The following NFASC variants were observed in gnomAD, a reference collection of about 807,000 sequenced individuals.
NFASC encodes neurofascin, also known as neurofascin homolog.
In NFASC, 43 loss-of-function variants were observed where a neutral mutation model predicts 147.5. The observed-to-expected ratio is 0.29, with a 90% confidence interval of 0.23 to 0.38. NFASC has a LOEUF of 0.38. Among genes scored for constraint, NFASC ranks in the 10% least tolerant of loss-of-function variants. The pLI is 1.00. For missense variants in NFASC, 1,320 were observed against 1,689.0 expected (o/e 0.78, Z 3.83); for synonymous variants, 622 against 665.5 (o/e 0.93, Z 1.01).
Position 204,834,844 on chromosome 1 carries a change from G to A in NFASC, c.-200+6062G>A, listed in dbSNP as rs577062405. Reference sequence around the variant, plus strand: ...GCACCCAGAGTTGGAGGAAGGCTGCGTGAATAGTGGTCCTCCAAGTGGGTT... The same window carrying A: ...GCACCCAGAGTTGGAGGAAGGCTGCATGAATAGTGGTCCTCCAAGTGGGTT... On this transcript the variant is annotated intron_variant, in intron 1 of 29. Transcript: ENST00000339876. Among the ~76,000 whole-genome samples, 5 of 152,226 alleles carry A rather than the reference G, an allele frequency of 3.3e-5. No individual in the cohort carries two copies. In the East Asian group the frequency reaches 9.6e-4, roughly 29 times the overall value.
chr1:204,886,381 A>G (rs1017968905), intron 1 of NFASC, among the ~76,000 whole-genome samples: 2 of 152,178 alleles, frequency 1.3e-5, no homozygotes, highest in African/African-American at 2.4e-5. Context: ...CTTTATTCCT[A>G]TTCATTTGCT....
At chr1:204,913,602 C>A (rs945255115) in intron 1 of NFASC, among the ~76,000 whole-genome samples, 2 of 152,120 alleles carry the variant, frequency 1.3e-5, no homozygotes, top group African/African-American at 2.4e-5. Flanking sequence ...AGGATCCTCA[C>A]CATCTTATAT....
In NFASC at chr1:205,016,488, C is replaced by CGA; in HGVS notation, c.3673_3674dup (p.Ser1226LysfsTer66). Reference sequence around the variant, plus strand: ...AGGACAAGGAGGAAACAGAGGGCAACGAAAGCTCAGAGGCCACGTCACCTG... The same window carrying CGA: ...AGGACAAGGAGGAAACAGAGGGCAACGAGAAAGCTCAGAGGCCACGTCACCTG... On this transcript the variant is annotated frameshift_variant, in exon 30 of 30. Coordinates refer to ENST00000339876, the MANE Select transcript of NFASC (RefSeq NM_001005388.3). LOFTEE classifies it high-confidence loss of function. The surrounding 1 kb of genome is among the most constrained non-coding windows in gnomAD (Gnocchi z 5.1). 1 of 1,614,108 alleles carries CGA rather than the reference C, an allele frequency of 6.2e-7. No individual in the cohort carries two copies. The highest frequency in any genetic ancestry group is 1.3e-5 in the African/African-American group (1 of 75,014).
chr1:204,879,960 G>A (rs916620523), intron 1 of NFASC, among the ~76,000 whole-genome samples: 4 of 152,162 alleles, frequency 2.6e-5, no homozygotes, highest in Non-Finnish European at 4.4e-5. Context: ...CACAGCTGGT[G>A]GTGCTGGCCC....
At chr1:204,871,304 G>A (rs1463463180) in intron 1 of NFASC, among the ~76,000 whole-genome samples, 1 of 151,748 alleles carries the variant, frequency 6.6e-6, no homozygotes, top group African/African-American at 2.4e-5. Context: ...GAAAGAGGTG[G>A]TGGTACTGGT....
At chr1:204,909,157 G>A (rs1244447087) in intron 1 of NFASC, among the ~76,000 whole-genome samples, 1 of 152,160 alleles carries the variant, frequency 6.6e-6, no homozygotes, top group Non-Finnish European at 1.5e-5. Context: ...TTAAGAAACT[G>A]CCAAACCATA....
intron 1 of NFASC, among the ~76,000 whole-genome samples, chr1:204,904,645 C>T (rs2149243901): frequency 6.6e-6 from 1 of 152,332 alleles, no homozygotes; most frequent in East Asian, 1.9e-4. Context: ...CCACTTTTCA[C>T]ATGACATTGA....
intron 21 of NFASC, among the ~76,000 whole-genome samples, chr1:204,983,721 C>T (rs4951150): frequency 6.6e-6 from 1 of 151,904 alleles, no homozygotes; most frequent in African/African-American, 2.4e-5. Flanking sequence ...CCCCAGGAGA[C>T]GGAGCAGGGT....
chr1:204,878,458 C>T (rs2079479320), intron 1 of NFASC, among the ~76,000 whole-genome samples: 1 of 152,198 alleles, frequency 6.6e-6, no homozygotes, highest in Non-Finnish European at 1.5e-5. Flanking sequence ...AGAGAAATTT[C>T]CTGGATGTTT....
At chr1:204,998,250 T>G (rs1462740142) in intron 25 of NFASC, 5 of 152,172 alleles carry the variant, frequency 3.3e-5, no homozygotes, top group Non-Finnish European at 1.5e-5. Flanking sequence ...ATCAGTCTTT[T>G]ATTACCAACA....
rs749221329 is a variant in NFASC, at chr1:205,001,192, G to C, written c.3042G>C (p.Trp1014Cys). 2 of 1,611,140 alleles carry C rather than the reference G, an allele frequency of 1.2e-6. No homozygotes were observed. Among genetic ancestry groups the C allele is most frequent in the Non-Finnish European group, 1.7e-6 (2 of 1,178,502 alleles). Residue 1014 changes from tryptophan to cysteine, a missense_variant, in exon 26 of 30, where the codon TGG (tryptophan) becomes TGC (cysteine). Trp to Cys is a radical substitution (Grantham distance 215). Around this residue, in one of 3 missense-constraint regions of NFASC, gnomAD observed 172 missense variants for 165.8 expected, o/e 1.04. Coordinates refer to ENST00000339876, the MANE Select transcript of NFASC (RefSeq NM_001005388.3). ...CAGCCCCTGATGAGCAGTCCATATGGAACGTCACGGTGCTCCCCAACAGTA... is the reference window on the plus strand; with the variant it reads ...CAGCCCCTGATGAGCAGTCCATATGCAACGTCACGGTGCTCCCCAACAGTA... ...HESAPDEQSI[W>C]NVTVLPNSKW...
In NFASC at chr1:204,961,214, A is replaced by G. The variant is rs78727796; in HGVS notation, c.706+3388A>G. ...CTCTTCTGAAATGTCTTTCTCATTA[A>G]GGAGTAAATGCCCACGAGTTTGAAT... On this transcript the variant is annotated intron_variant, in intron 8 of 29. Coordinates refer to ENST00000339876, the MANE Select transcript of NFASC (RefSeq NM_001005388.3). 3.9e-5 allele frequency among the ~76,000 whole-genome samples: 6 copies of G among 152,322 alleles called. No individual in the cohort carries two copies. The East Asian group carries it at 1.2e-3, about 29-fold the overall frequency.
rs375096926 is a variant in NFASC at position 204,889,185 on chromosome 1, A to G, written c.-199-31447A>G. Among the ~76,000 whole-genome samples, 5 of 152,196 alleles carry G rather than the reference A, an allele frequency of 3.3e-5. No individual in the cohort carries two copies. The East Asian group carries it at 7.7e-4, about 23-fold the overall frequency. The stretch of plus-strand genomic sequence containing the variant: ...GTGAAACTCTAAAACCAAAACTATT[A>G]TTTTTTACATTTAAGGAAACTTAAA... On this transcript the variant is annotated intron_variant, in intron 1 of 29. Transcript: ENST00000339876.
intron 2 of NFASC, among the ~76,000 whole-genome samples, chr1:204,921,081 T>A (rs1484505711): frequency 1.3e-5 from 2 of 152,186 alleles, no homozygotes; most frequent in Non-Finnish European, 2.9e-5. Context: ...TCTCGGCCTC[T>A]ACAACCTGGA....
rs984805134 is a variant in NFASC at position 205,015,990 on chromosome 1, G to A, written c.3492-318G>A. ...ACAAGCAGTGGCTCTGCCTCACCAT[G>A]GGGTGGCCATCCTCTGTCCACTTCC... On this transcript the variant is annotated intron_variant, in intron 29 of 29. Coordinates refer to ENST00000339876, the MANE Select transcript of NFASC (RefSeq NM_001005388.3). This position sits in a 1 kb window ranked among gnomAD's most constrained non-coding sequence, Gnocchi z 4.0. 1.3e-5 allele frequency among the ~76,000 whole-genome samples: 2 copies of A among 152,140 alleles called. No individual in the cohort carries two copies. Among genetic ancestry groups the A allele is most frequent in the African/African-American group, 4.8e-5 (2 of 41,442 alleles).
chr1:204,962,456 A>C (rs1388617080), intron 8 of NFASC, among the ~76,000 whole-genome samples: 1 of 152,264 alleles, frequency 6.6e-6, no homozygotes. Flanking sequence ...TTACTGAAAA[A>C]GTAGAAGCTT....
intron 3 of NFASC, among the ~76,000 whole-genome samples, chr1:204,945,975 A>C (rs981661364): frequency 6.6e-6 from 1 of 152,178 alleles, no homozygotes; most frequent in Non-Finnish European, 1.5e-5. Flanking sequence ...GTGAGCCTAT[A>C]AATAGATGGC....
intron 2 of NFASC, among the ~76,000 whole-genome samples, chr1:204,938,020 G>C (rs550944216): frequency 5.3e-5 from 8 of 152,320 alleles, no homozygotes; most frequent in African/African-American, 7.2e-5. Context: ...GCCATGTCTC[G>C]ACGCTGCCAG....
chr1:204,920,374 A>C (rs1002095898), intron 1 of NFASC, among the ~76,000 whole-genome samples: 1 of 151,598 alleles, frequency 6.6e-6, no homozygotes, highest in Non-Finnish European at 1.5e-5. Flanking sequence ...GTGTCAGGGC[A>C]CTAAGAAATG....
Sources: allele counts gnomAD v4.1 joint callset (sites outside exome capture counted in the v4.1 genomes callset), GRCh38; gene constraint gnomAD v4.1.1; regional missense constraint gnomAD v4.1.1; non-coding constraint Gnocchi (gnomAD v3.1); transcripts MANE v1.5; gene names NCBI Gene and HGNC (gene_info 2026-07-23, HGNC 2026-07-21).